LIFR: variants seen among roughly 807,000 people sequenced by gnomAD.
LIFR encodes leukemia inhibitory factor receptor.
In LIFR, 84 loss-of-function variants were observed where a neutral mutation model predicts 122.2. That is an observed-to-expected ratio of 0.69 (90% CI 0.58 to 0.82). The LOEUF is 0.82. Among genes scored for constraint, LIFR ranks in the 40% least tolerant of loss-of-function variants. LIFR has a pLI of 0.00. For synonymous variants in LIFR, 422 were observed against 434.7 expected (o/e 0.97, Z 0.36); for missense variants, 1,294 against 1,311.6 (o/e 0.99, Z 0.21).
chr5:38,544,533 C>T (rs564734417), intron 1 of LIFR, among the ~76,000 whole-genome samples: 7 of 152,252 alleles, frequency 4.6e-5, no homozygotes, highest in African/African-American at 1.4e-4. Flanking sequence ...AGGAAGGCCT[C>T]TACTCATCAC....
intron 1 of LIFR, among the ~76,000 whole-genome samples, chr5:38,561,847 G>A (rs982417325): frequency 6.6e-6 from 1 of 152,118 alleles, no homozygotes; most frequent in Non-Finnish European, 1.5e-5. Context: ...CCATTGTATT[G>A]TTTACCATCA....
At position 38,504,096 on chromosome 5, in the gene LIFR, G is replaced by C. The variant is rs149305499; in HGVS notation, c.1317C>G (p.Phe439Leu). The C allele has an allele frequency of 1.6e-5, 25 of 1,580,448 alleles. No individual in the cohort carries two copies. Among genetic ancestry groups the C allele is most frequent in the Admixed American group, 3.3e-5 (2 of 59,936 alleles). Residue 439 changes from phenylalanine (F) to leucine (L), a missense_variant, in exon 10 of 20, where the codon TTC (phenylalanine) becomes TTG (leucine). Transcript: ENST00000453190. ...EKVYPHTPTS[F>L]KVKDINSTAV... Reference sequence around the variant, plus strand: ...CTGTTGAATTAATATCCTTCACTTTGAATGAAGTAGGAGTATGGGGATAAA... The same window carrying C: ...CTGTTGAATTAATATCCTTCACTTTCAATGAAGTAGGAGTATGGGGATAAA...
chr5:38,496,307 A>G, intron 13 of LIFR, 75 bp downstream of exon 13: 1 of 1,213,508 alleles, frequency 8.2e-7, no homozygotes, highest in East Asian at 2.3e-5. Context: ...CTGACATGAC[A>G]AAAGAGCAAG....
At chr5:38,606,844 C>T (rs1271526718) in intron 1 of LIFR, among the ~76,000 whole-genome samples, 1 of 152,158 alleles carries the variant, frequency 6.6e-6, no homozygotes, top group Non-Finnish European at 1.5e-5. Flanking sequence ...CAGTACATCC[C>T]CATGACTTAC....
chr5:38,594,473 T>C (rs1750031807), intron 1 of LIFR, among the ~76,000 whole-genome samples: 1 of 152,184 alleles, frequency 6.6e-6, no homozygotes. Context: ...AATCTATTAA[T>C]ATTGATTCAT....
Position 38,528,846 on chromosome 5 carries a change from GGAGAC to G in LIFR, c.143-11_143-7del, listed in dbSNP as rs771547801. Reference sequence around the variant, plus strand: ...CTTCAAATCATGAGGAGCCCCTGGAGGAGACACACACACACACACACACACACACA... The same window carrying G: ...CTTCAAATCATGAGGAGCCCCTGGAGACACACACACACACACACACACACA... On this transcript the variant is annotated splice_region_variant and splice_polypyrimidine_tract_variant and intron_variant, in intron 2 of 19. Coordinates refer to ENST00000453190, the MANE Select transcript of LIFR (RefSeq NM_001127671.2). The G allele has an allele frequency of 4.7e-5, 62 of 1,306,184 alleles. No homozygotes were observed. Among genetic ancestry groups the G allele is most frequent in the Non-Finnish European group, 6.4e-5 (60 of 944,004 alleles). The allele number at this position is 1,306,184 out of a possible 1,614,324, so 80.9% of individuals were successfully genotyped here.
intron 1 of LIFR, among the ~76,000 whole-genome samples, chr5:38,578,207 C>CTTTTTT (rs3079294): frequency 1.1e-4 from 13 of 123,452 alleles, no homozygotes; most frequent in Non-Finnish European, 2.0e-4. Context: ...TTTTCTTTTT[C>CTTTTTT]TTTTTTTTTT....
At chr5:38,502,253 A>G (rs781240870) in intron 11 of LIFR, among the ~76,000 whole-genome samples, 12 of 151,874 alleles carry the variant, frequency 7.9e-5, no homozygotes, top group South Asian at 6.2e-4. Context: ...GGACTCTAAT[A>G]GCATTTTTTT....
intron 1 of LIFR, among the ~76,000 whole-genome samples, chr5:38,549,730 G>A (rs946252611): frequency 1.3e-5 from 2 of 152,226 alleles, no homozygotes; most frequent in Non-Finnish European, 2.9e-5. Context: ...GGCGGAGCTT[G>A]CAGTGAGCTG....
chr5:38,550,267 A>T (rs1748130055), intron 1 of LIFR: 1 of 964,508 alleles, frequency 1.0e-6, no homozygotes, highest in Non-Finnish European at 1.2e-6. Flanking sequence ...ATAAATTTTT[A>T]AAATAGCTGA....
chr5:38,492,777 C>A (rs1181684399), intron 14 of LIFR, among the ~76,000 whole-genome samples: 2 of 152,078 alleles, frequency 1.3e-5, no homozygotes, highest in Non-Finnish European at 2.9e-5. Flanking sequence ...GCGAGGGAGG[C>A]AGGAGACAGG....
chr5:38,501,230 C>T (rs1014881262), intron 11 of LIFR, among the ~76,000 whole-genome samples: 2 of 152,198 alleles, frequency 1.3e-5, no homozygotes, highest in Non-Finnish European at 2.9e-5. Flanking sequence ...CATATCCTCC[C>T]TCTCTGTACT....
At chr5:38,545,871 G>GAAAAAAAAAAAAAAAAAAAAAAA (rs371497950) in intron 1 of LIFR, among the ~76,000 whole-genome samples, 1 of 87,728 alleles carries the variant, frequency 1.1e-5, no homozygotes. Context: ...CAAAAAAAAA[G>GAAAAAAAAAAAAAAAAAAAAAAA]AAAAAAAAAA....
intron 1 of LIFR, among the ~76,000 whole-genome samples, chr5:38,584,855 C>T (rs1252281877): frequency 5.9e-5 from 9 of 152,106 alleles, no homozygotes; most frequent in Non-Finnish European, 1.3e-4. Flanking sequence ...TAGAGTTCAG[C>T]AGCTTTTGTC....
At chr5:38,585,721 C>A (rs1749724331) in intron 1 of LIFR, among the ~76,000 whole-genome samples, 1 of 151,896 alleles carries the variant, frequency 6.6e-6, no homozygotes, top group Admixed American at 6.6e-5. Flanking sequence ...CCTAGTTGCT[C>A]ATTTTTTTTT....
rs1291732964 is a variant in LIFR, at chr5:38,529,996, C to T, written c.142+510G>A. Among the ~76,000 whole-genome samples, 4 of 152,090 alleles carry T rather than the reference C, an allele frequency of 2.6e-5. No individual in the cohort carries two copies. The East Asian group carries it at 7.7e-4, about 29-fold the overall frequency. On this transcript the variant is annotated intron_variant, in intron 2 of 19. Coordinates refer to ENST00000453190, the MANE Select transcript of LIFR (RefSeq NM_001127671.2). ...TTTATATAAATAAGCTATAAAATAT[C>T]TACATAAACATTCTTAATATATTTA...
At position 38,527,308 on chromosome 5, in the gene LIFR, T is replaced by C. The variant is rs756268163; in HGVS notation, c.258-14A>G. ...CAAGAACGGGACCTGTAATAAGAAA[T>C]TGAATTTTAATTAGCAAATAAAATT... On this transcript the variant is annotated splice_polypyrimidine_tract_variant and intron_variant, in intron 3 of 19. Coordinates refer to ENST00000453190, the MANE Select transcript of LIFR (RefSeq NM_001127671.2). 1.3e-5 allele frequency: 20 copies of C among 1,526,928 alleles called. No individual in the cohort carries two copies. The highest frequency in any genetic ancestry group is 3.5e-4 in the Middle Eastern group (2 of 5,734). 94.6% of individuals were successfully genotyped at this position (1,526,928 alleles called of 1,614,324 possible). A position where few individuals can be genotyped will look rare whatever the true frequency, so the allele number is the denominator to read the frequency against.
chr5:38,546,217 C>G (rs201350851), intron 1 of LIFR, among the ~76,000 whole-genome samples: 3 of 152,164 alleles, frequency 2.0e-5, no homozygotes, highest in East Asian at 3.9e-4. Context: ...TCAATACATA[C>G]TAAAGAATTT....
intron 12 of LIFR, among the ~76,000 whole-genome samples, chr5:38,497,863 C>G (rs933209677): frequency 6.6e-6 from 1 of 152,050 alleles, no homozygotes; most frequent in Non-Finnish European, 1.5e-5. Flanking sequence ...TTGAATATCC[C>G]TTAAATAAAT....
Sources: gnomAD v4.1 joint callset for allele counts (sites outside exome capture counted in the v4.1 genomes callset) on GRCh38, gnomAD v4.1.1 for gene constraint, MANE v1.5 for transcripts, NCBI Gene and HGNC (gene_info 2026-07-23, HGNC 2026-07-21) for gene names.